Variants in RASEF observed in about 807,000 individuals in gnomAD.
RASEF encodes the protein ras and EF-hand domain-containing protein.
A neutral mutation model predicts 90.1 loss-of-function variants in RASEF; 68 were observed. The ratio of observed to expected loss-of-function variants is 0.75; its 90% CI spans 0.62 to 0.92. The LOEUF (loss-of-function observed/expected upper bound fraction) is 0.92. RASEF is among the 40% of genes least tolerant of loss of function. The pLI, the probability that RASEF is intolerant of heterozygous loss-of-function variation, is 0.00. For synonymous variants in RASEF, 331 were observed against 345.2 expected (o/e 0.96, Z 0.46); for missense variants, 949 against 937.2 (o/e 1.01, Z -0.16).
the RASEF span, among the ~76,000 whole-genome samples, chr9:83,174,546 G>A: frequency 6.6e-6 from 1 of 151,928 alleles, no homozygotes; most frequent in South Asian, 2.1e-4. Flanking sequence ...GTTTATTATA[G>A]CTTTGTAGTA....
the RASEF span, among the ~76,000 whole-genome samples, chr9:83,137,647 A>T: frequency 6.6e-6 from 1 of 152,128 alleles, no homozygotes. Context: ...TGGGGCAGGG[A>T]GCCACTGAAA....
the RASEF span, among the ~76,000 whole-genome samples, chr9:83,173,019 A>G: frequency 6.6e-6 from 1 of 151,976 alleles, no homozygotes; most frequent in Non-Finnish European, 1.5e-5. Flanking sequence ...TGGATATAGT[A>G]TACTTGGTTG....
chr9:83,047,468 A>T (rs1829954691), intron 1 of RASEF, among the ~76,000 whole-genome samples: 1 of 152,186 alleles, frequency 6.6e-6, no homozygotes, highest in African/African-American at 2.4e-5. Flanking sequence ...TTTTATTACA[A>T]ATCATTTCAT....
At chr9:83,064,800 C>T (rs917052252), upstream of RASEF, among the ~76,000 whole-genome samples, 4 of 152,212 alleles carry the variant, frequency 2.6e-5, no homozygotes, top group Non-Finnish European at 5.9e-5. Context: ...GGCACAGTGG[C>T]TCATGCCTGT....
chr9:83,203,423 TCAC>T, the RASEF span, among the ~76,000 whole-genome samples: 4 of 152,016 alleles, frequency 2.6e-5, no homozygotes, highest in East Asian at 1.9e-4. Flanking sequence ...TTACAGGCAC[TCAC>T]CACAATACCT....
the RASEF span, among the ~76,000 whole-genome samples, chr9:83,194,094 G>A: frequency 2.0e-5 from 3 of 152,070 alleles, no homozygotes; most frequent in African/African-American, 7.2e-5. Context: ...ACTACCATGG[G>A]ATATTTGTCA....
the RASEF span, among the ~76,000 whole-genome samples, chr9:83,078,660 T>C: frequency 6.6e-6 from 1 of 150,486 alleles, no homozygotes; most frequent in Non-Finnish European, 1.5e-5. Context: ...CTAGACCCTG[T>C]CTAAAGAAAA....
At chr9:83,127,549 G>A in the RASEF span, among the ~76,000 whole-genome samples, 1 of 152,134 alleles carries the variant, frequency 6.6e-6, no homozygotes. Flanking sequence ...AAAAATTCCA[G>A]TAATGCAAAT....
At chr9:83,052,476 G>T in intron 1 of RASEF, among the ~76,000 whole-genome samples, 1 of 77,402 alleles carries the variant, frequency 1.3e-5, no homozygotes, top group Non-Finnish European at 2.3e-5. Flanking sequence ...CAATTTTGTT[G>T]ATCCTTTCAA....
At chr9:83,203,200 G>A in the RASEF span, among the ~76,000 whole-genome samples, 1 of 151,714 alleles carries the variant, frequency 6.6e-6, no homozygotes, top group Non-Finnish European at 1.5e-5. Context: ...TAAATATTGA[G>A]TACTTCTAGC....
At chr9:83,092,521 G>C in the RASEF span, among the ~76,000 whole-genome samples, 1 of 152,024 alleles carries the variant, frequency 6.6e-6, no homozygotes, top group East Asian at 1.9e-4. Context: ...GTTCCTCCCG[G>C]TGGGCTTGTG....
the RASEF span, among the ~76,000 whole-genome samples, chr9:83,205,988 T>C: frequency 1.3e-5 from 2 of 152,238 alleles, no homozygotes; most frequent in African/African-American, 4.8e-5. Context: ...TCCTTCACTT[T>C]TCATATTAAG....
intron 9 of RASEF, among the ~76,000 whole-genome samples, chr9:83,003,970 G>A (rs1178564174): frequency 6.6e-6 from 1 of 152,128 alleles, no homozygotes; most frequent in African/African-American, 2.4e-5. Flanking sequence ...CAGTTCATTT[G>A]ATTAAACACA....
At chr9:83,024,649 C>T (rs143692055) in intron 2 of RASEF, among the ~76,000 whole-genome samples, 205 of 152,278 alleles carry the variant, frequency 1.3e-3, no homozygotes, top group African/African-American at 4.8e-3. Flanking sequence ...CAGTCAAGTA[C>T]TAAAAATGTT....
At chr9:83,049,634 C>T (rs1450156874) in intron 1 of RASEF, among the ~76,000 whole-genome samples, 2 of 145,580 alleles carry the variant, frequency 1.4e-5, no homozygotes, top group Non-Finnish European at 3.0e-5. Context: ...TGGTGCGCTG[C>T]ACGCACTAAC....
the RASEF span, among the ~76,000 whole-genome samples, chr9:83,141,726 G>A: frequency 2.0e-5 from 3 of 152,202 alleles, no homozygotes; most frequent in African/African-American, 7.2e-5. Flanking sequence ...GTGCCCAATG[G>A]CATTGGTGAA....
chr9:83,005,917 T>C (rs1829122516), intron 7 of RASEF, among the ~76,000 whole-genome samples: 1 of 152,218 alleles, frequency 6.6e-6, no homozygotes, highest in Non-Finnish European at 1.5e-5. Flanking sequence ...TCCTGCATTC[T>C]ATGCACAGCC....
chr9:83,186,624 C>T, the RASEF span, among the ~76,000 whole-genome samples: 2 of 152,098 alleles, frequency 1.3e-5, no homozygotes, highest in Non-Finnish European at 2.9e-5. Context: ...TTCTTCCTAA[C>T]AGAATCCCCA....
At chr9:83,193,713 C>A in the RASEF span, among the ~76,000 whole-genome samples, 1 of 152,124 alleles carries the variant, frequency 6.6e-6, no homozygotes, top group African/African-American at 2.4e-5. Context: ...TCATATATAT[C>A]TTTGAAAGTA....
Sources: allele counts gnomAD v4.1 joint callset (sites outside exome capture counted in the v4.1 genomes callset), GRCh38; gene constraint gnomAD v4.1.1; transcripts MANE v1.5; gene names NCBI Gene and HGNC (gene_info 2026-07-23, HGNC 2026-07-21).